The following PPARGC1B variants were observed in gnomAD, a reference collection of about 807,000 sequenced individuals.
PPARGC1B encodes the protein peroxisome proliferator-activated receptor gamma coactivator 1-beta.
A neutral mutation model predicts 101.6 loss-of-function variants in PPARGC1B; 34 were observed. That is an observed-to-expected ratio of 0.33 (90% CI 0.25 to 0.45). The LOEUF (loss-of-function observed/expected upper bound fraction) is 0.45. Ranked by LOEUF, PPARGC1B falls within the 20% of genes least tolerant of loss-of-function variation. The probability of loss-of-function intolerance (pLI) is 1.00; values close to 1 mark genes in which losing one functional copy is unlikely to be tolerated. For missense variants in PPARGC1B, 1,234 were observed against 1,317.6 expected, an observed-to-expected ratio of 0.94 and a Z score of 0.98; for synonymous variants, 548 against 539.3, an observed-to-expected ratio of 1.02 and a Z score of -0.22.
intron 10 of PPARGC1B, among the ~76,000 whole-genome samples, chr5:149,844,462 AC>A: frequency 6.6e-6 from 1 of 152,246 alleles, no homozygotes; most frequent in Non-Finnish European, 1.5e-5. Flanking sequence ...ACATGGTGAA[AC>A]CCCGTCTCTA....
intron 1 of PPARGC1B, among the ~76,000 whole-genome samples, chr5:149,807,615 G>A (rs1757649746): frequency 1.3e-5 from 2 of 152,104 alleles, no homozygotes; most frequent in Non-Finnish European, 2.9e-5. Flanking sequence ...AATAGGGCAC[G>A]TGTTTTGTAA....
intron 1 of PPARGC1B, among the ~76,000 whole-genome samples, chr5:149,770,443 A>T (rs1012366984): frequency 6.6e-6 from 1 of 152,222 alleles, no homozygotes; most frequent in Admixed American, 6.5e-5. Context: ...ATAGGGGAAG[A>T]TGTGGGTGCC....
chr5:149,836,204 T>C, intron 7 of PPARGC1B, 59 bp from the exon 8 acceptor site: 1 of 1,406,046 alleles, frequency 7.1e-7, no homozygotes. Context: ...CTTAGGGTCT[T>C]AGTGTCCCTT....
At chr5:149,802,241 G>T (rs553364646) in intron 1 of PPARGC1B, among the ~76,000 whole-genome samples, 1 of 152,136 alleles carries the variant, frequency 6.6e-6, no homozygotes. Flanking sequence ...TGTCCTACAC[G>T]GTCTGAAAGG....
intron 1 of PPARGC1B, among the ~76,000 whole-genome samples, chr5:149,774,757 A>C (rs548454583): frequency 1.9e-4 from 29 of 151,754 alleles, no homozygotes; most frequent in African/African-American, 6.3e-4. Flanking sequence ...CTGGCCCTAT[A>C]CTGACTTGCA....
At chr5:149,818,284 T>C (rs114213367) in intron 1 of PPARGC1B, among the ~76,000 whole-genome samples, 2,117 of 152,276 alleles carry the variant, frequency 0.014, 50 homozygotes, top group African/African-American at 0.048. Flanking sequence ...ATTTGTTTAA[T>C]GTCATCCTTC....
At chr5:149,793,073 G>A (rs951459000) in intron 1 of PPARGC1B, among the ~76,000 whole-genome samples, 2 of 151,980 alleles carry the variant, frequency 1.3e-5, no homozygotes, top group Admixed American at 1.3e-4. Flanking sequence ...TGGTTTCTGG[G>A]TGAGGTAGAG....
At position 149,826,674 on chromosome 5, in the gene PPARGC1B, T is replaced by C. The variant is rs1186243938; in HGVS notation, c.254T>C (p.Ile85Thr). 1.2e-6 allele frequency: 2 copies of C among 1,613,298 alleles called. No individual in the cohort carries two copies. Among genetic ancestry groups the C allele is most frequent in the Non-Finnish European group, 1.7e-6 (2 of 1,179,378 alleles). The change falls in exon 3 of 12, where the codon ATT becomes ACT. Residue 85 changes from isoleucine (I) to threonine (T), a missense_variant and splice_region_variant. Ile to Thr is a moderately conservative substitution (Grantham distance 89). Transcript: ENST00000309241. Reference protein sequence around the residue: ...YSPDDSELFQIDSENEALLAE... With the variant: ...YSPDDSELFQTDSENEALLAE... The stretch of plus-strand genomic sequence containing the variant: ...ACCCTCCCGCCCTCCTCACTCCAGA[T>C]TGACAGTGAGAATGAGGCCCTCCTG...
intron 10 of PPARGC1B, among the ~76,000 whole-genome samples, chr5:149,843,342 C>CGGCAAACTAA (rs1039044544): frequency 1.3e-5 from 2 of 152,098 alleles, no homozygotes; most frequent in Non-Finnish European, 2.9e-5. Flanking sequence ...CCTATTATAT[C>CGGCAAACTAA]GGCAAACTAA....
intron 1 of PPARGC1B, among the ~76,000 whole-genome samples, chr5:149,738,029 G>A (rs1048898516): frequency 3.9e-5 from 6 of 152,106 alleles, no homozygotes; most frequent in South Asian, 2.1e-4. Context: ...AGTGAAAATC[G>A]AATGACAACA....
At chr5:149,782,050 G>T (rs920599243) in intron 1 of PPARGC1B, among the ~76,000 whole-genome samples, 1 of 152,096 alleles carries the variant, frequency 6.6e-6, no homozygotes, top group African/African-American at 2.4e-5. Flanking sequence ...TTTAGATGGG[G>T]ATGGCTTCTT....
In PPARGC1B at chr5:149,847,705, A is replaced by T. The variant is rs1759623588; in HGVS notation, c.*147A>T. On this transcript the variant is annotated 3_prime_UTR_variant, in exon 12 of 12. Coordinates refer to ENST00000309241, the MANE Select transcript of PPARGC1B (RefSeq NM_133263.4). ...GAGAGACTTGAAACTGCTGTCCTTT[A>T]AAAAAAAAAAAAATCAATGTTTACA... 1.1e-4 allele frequency: 20 copies of T among 174,190 alleles called. No individual in the cohort carries two copies. The highest frequency in any genetic ancestry group is 3.9e-4 in the South Asian group (3 of 7,726). 10.8% of individuals were successfully genotyped at this position (174,190 alleles called of 1,614,324 possible). A position where few individuals can be genotyped will look rare whatever the true frequency, so the allele number is the denominator to read the frequency against.
chr5:149,762,504 G>A (rs9285640), intron 1 of PPARGC1B, among the ~76,000 whole-genome samples: 4,623 of 152,148 alleles, frequency 0.03, 217 homozygotes, highest in African/African-American at 0.1. Flanking sequence ...TGCTGATTCC[G>A]GCAGCCTGAC....
At chr5:149,827,484 A>G (rs1274181763) in intron 3 of PPARGC1B, among the ~76,000 whole-genome samples, 1 of 152,180 alleles carries the variant, frequency 6.6e-6, no homozygotes, top group Non-Finnish European at 1.5e-5. Flanking sequence ...GTAGGGTTTC[A>G]CTGGTTCCCC....
chr5:149,758,600 G>C (rs911414853), intron 1 of PPARGC1B, among the ~76,000 whole-genome samples: 1 of 152,210 alleles, frequency 6.6e-6, no homozygotes, highest in Non-Finnish European at 1.5e-5. Context: ...TGCCCCAGCA[G>C]GTGCCATCTT....
chr5:149,801,341 G>C (rs1459567160), intron 1 of PPARGC1B, among the ~76,000 whole-genome samples: 1 of 152,148 alleles, frequency 6.6e-6, no homozygotes, highest in African/African-American at 2.4e-5. Context: ...TGATCTGCAA[G>C]CTCAAAAAAA....
intron 1 of PPARGC1B, among the ~76,000 whole-genome samples, chr5:149,784,802 T>C (rs6579758): frequency 0.66 from 100,394 of 151,586 alleles, 34,391 homozygotes; most frequent in African/African-American, 0.84. Flanking sequence ...CTCCTGACCT[T>C]GTCATCCGCC....
intron 1 of PPARGC1B, among the ~76,000 whole-genome samples, chr5:149,786,926 T>C (rs1756831492): frequency 2.0e-5 from 3 of 152,194 alleles, no homozygotes; most frequent in Admixed American, 1.3e-4. Context: ...GTTTGACTCT[T>C]AGGGCTGTTT....
intron 1 of PPARGC1B, among the ~76,000 whole-genome samples, chr5:149,819,692 G>T (rs182586181): frequency 6.6e-6 from 1 of 152,082 alleles, no homozygotes; most frequent in South Asian, 2.1e-4. Flanking sequence ...TAGTAAAGAC[G>T]GGCTTTCGCC....
Sources: allele counts gnomAD v4.1 joint callset (sites outside exome capture counted in the v4.1 genomes callset), GRCh38; gene constraint gnomAD v4.1.1; transcripts MANE v1.5; gene names NCBI Gene and HGNC (gene_info 2026-07-23, HGNC 2026-07-21).